The following EML1 variants were observed in gnomAD, a reference collection of about 807,000 sequenced individuals.
EML1 encodes EMAP like 1.
In EML1, 27 loss-of-function variants were observed where a neutral mutation model predicts 110.4. The observed-to-expected ratio is 0.24, with a 90% CI of 0.18 to 0.34. The LOEUF is 0.34. Among genes scored for constraint, EML1 ranks in the 10% least tolerant of loss-of-function variants. The probability of loss-of-function intolerance (pLI) is 1.00; values close to 1 mark genes in which losing one functional copy is unlikely to be tolerated. For missense variants in EML1, 741 were observed against 1,030.9 expected (o/e 0.72, Z 3.85); for synonymous variants, 344 against 385.8 (o/e 0.89, Z 1.27).
chr14:99,833,866 T>C (rs1384005869), intron 1 of EML1, among the ~76,000 whole-genome samples: 2 of 152,232 alleles, frequency 1.3e-5, no homozygotes, highest in Admixed American at 1.3e-4. Context: ...AACTTACTTA[T>C]TAGTTCCAGT....
intron 1 of EML1, among the ~76,000 whole-genome samples, chr14:99,824,459 G>A (rs183975021): frequency 6.6e-6 from 1 of 150,720 alleles, no homozygotes; most frequent in Admixed American, 6.8e-5. Context: ...AATTGGCCTC[G>A]GAAATGCAAA....
At chr14:99,771,695 C>T (rs183819732), upstream of EML1, among the ~76,000 whole-genome samples, 6 of 152,222 alleles carry the variant, frequency 3.9e-5, no homozygotes, top group Non-Finnish European at 7.4e-5. Context: ...GCCTGCAGTC[C>T]CAGCTACCTG....
At chr14:99,901,098 C>G in intron 9 of EML1, 59 bp downstream of exon 9, 1 of 1,482,168 alleles carries the variant, frequency 6.7e-7, no homozygotes, top group Non-Finnish European at 9.4e-7. Flanking sequence ...AGAATCAACT[C>G]AGGGTTGAAG....
intron 17 of EML1, among the ~76,000 whole-genome samples, chr14:99,922,419 A>G (rs1256667876): frequency 6.6e-6 from 1 of 152,136 alleles, no homozygotes; most frequent in Non-Finnish European, 1.5e-5. Flanking sequence ...CCCTGGCCTT[A>G]TGGATTTAGA....
intron 9 of EML1, among the ~76,000 whole-genome samples, chr14:99,901,446 T>C (rs1221307812): frequency 6.6e-6 from 1 of 152,202 alleles, no homozygotes; most frequent in African/African-American, 2.4e-5. Context: ...GGATCTCTTG[T>C]AAGAATTCAA....
At chr14:99,763,138 T>C (rs2057332074) in intron 1 of EML1, among the ~76,000 whole-genome samples, 1 of 152,206 alleles carries the variant, frequency 6.6e-6, no homozygotes, top group African/African-American at 2.4e-5. Flanking sequence ...TGCCGCCATC[T>C]ATGTAAGATG....
chr14:99,804,903 C>G (rs1477571663), intron 1 of EML1, among the ~76,000 whole-genome samples: 1 of 152,220 alleles, frequency 6.6e-6, no homozygotes, highest in Non-Finnish European at 1.5e-5. Context: ...AACCACTTGC[C>G]ACCTGCTTCC....
rs1404554696 is a variant in EML1 at position 99,865,599 on chromosome 14, A to G, written c.336A>G (p.Pro112=). The G allele has an allele frequency of 1.9e-6, 3 of 1,614,098 alleles. No homozygotes were observed. Among genetic ancestry groups the G allele is most frequent in the Non-Finnish European group, 2.5e-6 (3 of 1,180,028 alleles). ...VLPKKPTGSL[P]SPSGVRKETA... The stretch of plus-strand genomic sequence containing the variant: ...CAAAGAAACCTACTGGCTCTCTACC[A>G]TCCCCCTCCGGGGTCAGGAAAGAAA... Residue 112 remains proline, a synonymous_variant, in exon 3 of 22, where the codon CCA becomes CCG. Coordinates refer to ENST00000262233, the MANE Select transcript of EML1 (RefSeq NM_004434.3).
At chr14:99,846,592 A>G (rs1341072049) in intron 1 of EML1, among the ~76,000 whole-genome samples, 1 of 151,930 alleles carries the variant, frequency 6.6e-6, no homozygotes, top group East Asian at 1.9e-4. Flanking sequence ...CCTGGTGAAT[A>G]TTTTTATTCT....
At chr14:99,860,426 T>G (rs1395628568) in intron 2 of EML1, among the ~76,000 whole-genome samples, 1 of 152,182 alleles carries the variant, frequency 6.6e-6, no homozygotes, top group Non-Finnish European at 1.5e-5. Context: ...TAAAGAGCAC[T>G]TATCTGAAAA....
At position 99,940,631 on chromosome 14, in the gene EML1, G is replaced by C. The variant is rs2060572547; in HGVS notation, c.*519G>C. The C allele has an allele frequency of 6.6e-6, 1 of 152,268 alleles. No homozygotes were observed. Among genetic ancestry groups the C allele is most frequent in the Non-Finnish European group, 1.5e-5 (1 of 68,080 alleles). 9.4% of individuals were successfully genotyped at this position (152,268 alleles called of 1,614,324 possible). A position where few individuals can be genotyped will look rare whatever the true frequency, so the allele number is the denominator to read the frequency against. On this transcript the variant is annotated 3_prime_UTR_variant, in exon 22 of 22. Coordinates refer to ENST00000262233, the MANE Select transcript of EML1 (RefSeq NM_004434.3). ...AGACACAAAGATGAGACTGTGTTTGGTTACATTTTCCAAAGTTTCATTGCA... is the reference window on the plus strand; with the variant it reads ...AGACACAAAGATGAGACTGTGTTTGCTTACATTTTCCAAAGTTTCATTGCA...
At chr14:99,920,979 G>A in intron 17 of EML1, 102 bp downstream of exon 17, 7 of 1,061,792 alleles carry the variant, frequency 6.6e-6, no homozygotes, top group South Asian at 1.5e-5. Context: ...ATAGGTAAAC[G>A]TGTGCCATGG....
At chr14:99,815,332 G>C (rs1411618150) in intron 1 of EML1, among the ~76,000 whole-genome samples, 1 of 151,932 alleles carries the variant, frequency 6.6e-6, no homozygotes, top group Non-Finnish European at 1.5e-5. Flanking sequence ...TAATAGAGAC[G>C]GGGTTTCACT....
chr14:99,914,095 CATT>C (rs2059992388), intron 13 of EML1, 81 bp from the exon 14 acceptor site: 5 of 1,522,292 alleles, frequency 3.3e-6, no homozygotes, highest in Non-Finnish European at 3.6e-6. Flanking sequence ...TAGGGACTAT[CATT>C]ATGATAAGTG....
At chr14:99,746,378 G>A (rs1021416352) in intron 1 of EML1, among the ~76,000 whole-genome samples, 1 of 152,180 alleles carries the variant, frequency 6.6e-6, no homozygotes, top group Non-Finnish European at 1.5e-5. Flanking sequence ...TTCGGGAGGA[G>A]GGAGAGGTCT....
intron 2 of EML1, among the ~76,000 whole-genome samples, chr14:99,860,011 C>T (rs1051207599): frequency 6.6e-6 from 1 of 152,172 alleles, no homozygotes; most frequent in Non-Finnish European, 1.5e-5. Flanking sequence ...GGCACTCTGA[C>T]CTTATTTTAG....
rs1161006259 is a variant in EML1, at chr14:99,936,120, G to A, written c.2001G>A (p.Lys667=). 1.6e-5 allele frequency: 26 copies of A among 1,614,076 alleles called. No individual in the cohort carries two copies. Among genetic ancestry groups the A allele is most frequent in the Non-Finnish European group, 2.1e-5 (25 of 1,180,050 alleles). The change falls in exon 18 of 22, where the codon AAG becomes AAA. Residue 667 remains lysine, a synonymous_variant. Coordinates refer to ENST00000262233, the MANE Select transcript of EML1 (RefSeq NM_004434.3). The surrounding 1 kb of genome is among the most constrained non-coding windows in gnomAD (Gnocchi z 5.5). Reference sequence around the variant, plus strand: ...GGAGGAAGTACACGCGAGTGGGCAAGTGCTCGGTAAGCGCTGACAGTGGAC... The same window carrying A: ...GGAGGAAGTACACGCGAGTGGGCAAATGCTCGGTAAGCGCTGACAGTGGAC... ...DNGRKYTRVG[K]CSGHSSFITH...
At chr14:99,911,628 C>G in intron 13 of EML1, 52 bp downstream of exon 13, 1 of 1,567,702 alleles carries the variant, frequency 6.4e-7, no homozygotes, top group Non-Finnish European at 8.6e-7. Flanking sequence ...AAACTGTTAT[C>G]CTTTTTTTAT....
chr14:99,938,536 G>A lies in EML1; in HGVS notation c.2191+624G>A, dbSNP rs74539290. Among the ~76,000 whole-genome samples the A allele has an allele frequency of 4.8e-4, 73 of 152,240 alleles. No homozygotes were observed. The East Asian group carries it at 0.011, about 23-fold the overall frequency. On this transcript the variant is annotated intron_variant, in intron 20 of 21. Transcript: ENST00000262233. The stretch of plus-strand genomic sequence containing the variant: ...CAGGTATTGTTGAAAGGGTTTCCCC[G>A]ACAATGGTCAGAAGAGGGCGTCCCC...
Sources: allele counts gnomAD v4.1 joint callset (sites outside exome capture counted in the v4.1 genomes callset), GRCh38; gene constraint gnomAD v4.1.1; non-coding constraint Gnocchi (gnomAD v3.1); transcripts MANE v1.5; gene names NCBI Gene and HGNC (gene_info 2026-07-23, HGNC 2026-07-21).